NCKAP5: variants seen among roughly 807,000 people sequenced by gnomAD.
NCKAP5 encodes the protein NCK associated protein 5, also known as nck-associated protein 5.
NCKAP5 carries 92 observed loss-of-function variants against 167.0 expected under a neutral mutation model. The observed-to-expected ratio is 0.55, with a 90% CI of 0.47 to 0.66. The LOEUF (loss-of-function observed/expected upper bound fraction) is 0.66. NCKAP5 is among the 30% of genes least tolerant of loss of function. The pLI is 0.00. For synonymous variants in NCKAP5, 891 were observed against 877.4 expected (o/e 1.02, Z -0.27); for missense variants, 2,378 against 2,315.0 (o/e 1.03, Z -0.56).
chr2:133,336,588 A>G (rs1193872754), intron 3 of NCKAP5, among the ~76,000 whole-genome samples: 2 of 152,230 alleles, frequency 1.3e-5, no homozygotes, highest in Non-Finnish European at 2.9e-5. Flanking sequence ...TTTAGAAGCA[A>G]AAACAAACAA....
intron 3 of NCKAP5, among the ~76,000 whole-genome samples, chr2:133,424,716 G>T (rs2164325): frequency 6.6e-6 from 1 of 152,146 alleles, no homozygotes; most frequent in South Asian, 2.1e-4. Flanking sequence ...CATTAGGAAC[G>T]TGTTAGAAGT....
At chr2:133,541,216 C>A (rs1363865088) in intron 2 of NCKAP5, among the ~76,000 whole-genome samples, 1 of 151,768 alleles carries the variant, frequency 6.6e-6, no homozygotes, top group Non-Finnish European at 1.5e-5. Flanking sequence ...TTGAAGGTAA[C>A]TTCATGAATT....
the NCKAP5 span, among the ~76,000 whole-genome samples, chr2:133,638,011 C>A: frequency 6.6e-6 from 1 of 152,078 alleles, no homozygotes; most frequent in Non-Finnish European, 1.5e-5. Context: ...TAGAATGATA[C>A]CTGCAAAGAA....
intron 3 of NCKAP5, among the ~76,000 whole-genome samples, chr2:133,383,496 G>A (rs1299360194): frequency 2.0e-4 from 30 of 152,154 alleles, no homozygotes. Flanking sequence ...CCAAGTCTTT[G>A]CTATTGTGAG....
chr2:133,052,718 CA>C (rs112451840), intron 6 of NCKAP5, among the ~76,000 whole-genome samples: 1,551 of 81,814 alleles, frequency 0.019, 20 homozygotes, highest in African/African-American at 0.054. Context: ...AACTCTGTCA[CA>C]AAAAAAAAAA....
chr2:133,650,560 G>A, the NCKAP5 span, among the ~76,000 whole-genome samples: 1 of 152,122 alleles, frequency 6.6e-6, no homozygotes, highest in Non-Finnish European at 1.5e-5. Context: ...CCACACATAT[G>A]GGGTCAACTG....
rs556552128 is a variant in NCKAP5 at position 133,232,307 on chromosome 2, T to A, written c.144-18528A>T. 5.3e-5 allele frequency among the ~76,000 whole-genome samples: 8 copies of A among 152,148 alleles called. No homozygotes were observed. In the East Asian group the frequency reaches 1.5e-3, roughly 29 times the overall value. On this transcript the variant is annotated intron_variant, in intron 4 of 19. Transcript: ENST00000409261. Reference sequence around the variant, plus strand: ...TCTCTAAAAATATATATAAATTAAATAAATGTTTAAAAATGTTTTAAGTCA... The same window carrying A: ...TCTCTAAAAATATATATAAATTAAAAAAATGTTTAAAAATGTTTTAAGTCA...
chr2:133,100,855 A>G (rs2081489820), intron 6 of NCKAP5, among the ~76,000 whole-genome samples: 1 of 152,046 alleles, frequency 6.6e-6, no homozygotes, highest in Admixed American at 6.5e-5. Context: ...TATTTTGTTG[A>G]CGTTTGTATT....
intron 3 of NCKAP5, among the ~76,000 whole-genome samples, chr2:133,474,247 A>G (rs1336462761): frequency 6.6e-6 from 1 of 152,134 alleles, no homozygotes; most frequent in Admixed American, 6.5e-5. Flanking sequence ...TGTCATTTCT[A>G]CAACATAGAT....
At chr2:133,514,487 T>G (rs1683811107) in intron 3 of NCKAP5, among the ~76,000 whole-genome samples, 1 of 152,360 alleles carries the variant, frequency 6.6e-6, no homozygotes, top group African/African-American at 2.4e-5. Context: ...TCTAAAAATG[T>G]AAAAGCCATT....
intron 5 of NCKAP5, among the ~76,000 whole-genome samples, chr2:133,168,837 G>A (rs2084116048): frequency 6.6e-6 from 1 of 152,096 alleles, no homozygotes; most frequent in Non-Finnish European, 1.5e-5. Flanking sequence ...GAGACTCAAA[G>A]TACTTCTCAA....
intron 2 of NCKAP5, among the ~76,000 whole-genome samples, chr2:133,545,464 T>C (rs2104909815): frequency 1.3e-5 from 2 of 152,206 alleles, no homozygotes; most frequent in African/African-American, 4.8e-5. Flanking sequence ...GAAAGACAGG[T>C]ATGACCTCTA....
intron 16 of NCKAP5, among the ~76,000 whole-genome samples, chr2:132,759,394 A>G (rs1029148391): frequency 3.3e-5 from 5 of 152,168 alleles, no homozygotes; most frequent in Admixed American, 2.0e-4. Context: ...ATCCACAGTA[A>G]TACATTATTT....
chr2:133,375,896 A>G (rs919823845), intron 3 of NCKAP5, among the ~76,000 whole-genome samples: 1 of 152,222 alleles, frequency 6.6e-6, no homozygotes, highest in Admixed American at 6.5e-5. Context: ...ATAAATGAAT[A>G]CAGAAAGTCA....
intron 3 of NCKAP5, among the ~76,000 whole-genome samples, chr2:133,332,485 G>A (rs1235265593): frequency 6.6e-6 from 1 of 152,082 alleles, no homozygotes; most frequent in African/African-American, 2.4e-5. Context: ...TATCTCAGGG[G>A]TGCATTTTCT....
intron 19 of NCKAP5, among the ~76,000 whole-genome samples, chr2:132,698,334 T>C (rs978265376): frequency 6.6e-6 from 1 of 152,220 alleles, no homozygotes; most frequent in Non-Finnish European, 1.5e-5. Context: ...CCTGCTTTAG[T>C]CTTCAAAATT....
At chr2:133,390,516 A>G (rs1026479758) in intron 3 of NCKAP5, among the ~76,000 whole-genome samples, 1 of 152,170 alleles carries the variant, frequency 6.6e-6, no homozygotes, top group Admixed American at 6.5e-5. Flanking sequence ...GGTTTCTTAC[A>G]GAAAATGCTC....
In NCKAP5 at chr2:133,342,568, CT is replaced by C. The variant is rs111414165; in HGVS notation, c.70-39459del. ...CCTTAGCAGGTCTTATACTAGTATGCTTTTTTTCCAGAGGTATTTTGTTCTT... is the reference window on the plus strand; with the variant it reads ...CCTTAGCAGGTCTTATACTAGTATGCTTTTTTCCAGAGGTATTTTGTTCTT... On this transcript the variant is annotated intron_variant, in intron 3 of 19. Transcript: ENST00000409261. Among the ~76,000 whole-genome samples the C allele has an allele frequency of 1.7e-3, 260 of 152,222 alleles. 3 individuals are homozygous for C. Among genetic ancestry groups the C allele is most frequent in the African/African-American group, 6.0e-3 (250 of 41,536 alleles).
Position 132,834,489 on chromosome 2 carries a change from C to T in NCKAP5, c.807+26003G>A, listed in dbSNP as rs893422367. ...CCTCCCGAGTACCTGGGACTACAGG[C>T]ACCCACCACCATGCCTGGCTATTTT... On this transcript the variant is annotated intron_variant, in intron 11 of 19. Transcript: ENST00000409261. Among the ~76,000 whole-genome samples the T allele has an allele frequency of 2.6e-5, 4 of 152,152 alleles. No individual in the cohort carries two copies. The South Asian group carries it at 8.3e-4, about 32-fold the overall frequency.
Sources: allele counts gnomAD v4.1 joint callset (sites outside exome capture counted in the v4.1 genomes callset), GRCh38; gene constraint gnomAD v4.1.1; transcripts MANE v1.5; gene names NCBI Gene and HGNC (gene_info 2026-07-23, HGNC 2026-07-21).